CHEK2: variants seen among roughly 807,000 people sequenced by gnomAD.
CHEK2 encodes the protein serine/threonine-protein kinase Chk2.
CHEK2 carries 71 observed loss-of-function variants against 69.1 expected under a neutral mutation model. That is an observed-to-expected ratio of 1.03 (90% confidence interval 0.85 to 1.25). The LOEUF (loss-of-function observed/expected upper bound fraction) is 1.25. Ranked by LOEUF, CHEK2 falls within the 50% of genes most tolerant of loss-of-function variation. The probability of loss-of-function intolerance (pLI) is 0.00; values close to 1 mark genes in which losing one functional copy is unlikely to be tolerated. For synonymous variants in CHEK2, 189 were observed against 226.9 expected (o/e 0.83, Z 1.50); for missense variants, 664 against 649.6 (o/e 1.02, Z -0.24).
intron 7 of CHEK2, among the ~76,000 whole-genome samples, chr22:28,707,503 A>G (rs567509862): frequency 9.2e-5 from 14 of 152,314 alleles, no homozygotes; most frequent in African/African-American, 3.4e-4. Flanking sequence ...AAGGACAGCA[A>G]TATCTGTGCT....
intron 8 of CHEK2, among the ~76,000 whole-genome samples, chr22:28,700,783 T>C (rs1168897859): frequency 6.6e-6 from 1 of 152,012 alleles, no homozygotes; most frequent in Non-Finnish European, 1.5e-5. Flanking sequence ...GGCAAGGTTA[T>C]TCCTTTATTT....
intron 1 of CHEK2, among the ~76,000 whole-genome samples, chr22:28,739,716 C>G (rs544531121): frequency 6.6e-6 from 1 of 151,910 alleles, no homozygotes; most frequent in Non-Finnish European, 1.5e-5. Flanking sequence ...AAAAAACCCA[C>G]AATGAGATAC....
At chr22:28,707,979 C>T (rs182687105) in intron 7 of CHEK2, among the ~76,000 whole-genome samples, 1,896 of 151,634 alleles carry the variant, frequency 0.013, 40 homozygotes, top group East Asian at 0.079. Flanking sequence ...TGGGACTACA[C>T]GCACCCGCCA....
At chr22:28,708,086 G>A (rs1489645329) in intron 7 of CHEK2, among the ~76,000 whole-genome samples, 1 of 151,816 alleles carries the variant, frequency 6.6e-6, no homozygotes, top group Non-Finnish European at 1.5e-5. Context: ...TGATCCACCC[G>A]CCCCGGCTTC....
intron 9 of CHEK2, among the ~76,000 whole-genome samples, chr22:28,699,092 C>T (rs766155245): frequency 1.3e-4 from 20 of 152,238 alleles, no homozygotes; most frequent in Non-Finnish European, 2.9e-4. Context: ...GTAGCCTCAA[C>T]CTCCCAGGCT....
In CHEK2 at chr22:28,736,414, T is replaced by G. The variant is rs139200281; in HGVS notation, c.-6-1687A>C. ...ACACACCTGTTCGTTCAATCTATAT[T>G]CCCTGACACCTAAGGACCCAGTGAC... On this transcript the variant is annotated intron_variant, in intron 1 of 14. Transcript: ENST00000404276. Among the ~76,000 whole-genome samples the G allele has an allele frequency of 7.7e-3, 1,166 of 152,270 alleles. 16 individuals carry two copies. The highest frequency in any genetic ancestry group is 0.027 in the African/African-American group (1,125 of 41,562).
In CHEK2 at chr22:28,699,935, A is replaced by G. The variant is rs587782033; in HGVS notation, c.911T>C (p.Met304Thr). ...AEDYYIVLEL[M>T]EGGELFDKVV... ...TTTGTCAAACAGCTCTCCCCCTTCC[A>G]TCCTGAAACACAAAGGCAAGGCAAG... is the stretch of plus-strand genomic sequence containing the variant. The change falls in exon 9 of 15, where the codon ATG becomes ACG. Residue 304 changes from methionine (M) to threonine (T), a missense_variant and splice_region_variant. By Grantham distance (81) the Met-to-Thr change is moderately conservative (BLOSUM62 -1). Transcript: ENST00000404276. The G allele has an allele frequency of 3.1e-6, 5 of 1,611,956 alleles. No homozygotes were observed. The highest frequency in any genetic ancestry group is 1.3e-5 in the African/African-American group (1 of 74,866).
At chr22:28,724,757 G>A in intron 4 of CHEK2, 1 of 566,896 alleles carries the variant, frequency 1.8e-6, no homozygotes, top group South Asian at 1.7e-5. Flanking sequence ...GTAGAGACAG[G>A]GTTTCTCCAT....
At chr22:28,713,435 C>G (rs1446557505) in intron 5 of CHEK2, among the ~76,000 whole-genome samples, 1 of 151,448 alleles carries the variant, frequency 6.6e-6, no homozygotes, top group Admixed American at 6.6e-5. Flanking sequence ...TCTCGGCTCA[C>G]CGCAAGCTCC....
At chr22:28,718,459 T>A (rs2053657975) in intron 5 of CHEK2, among the ~76,000 whole-genome samples, 1 of 152,136 alleles carries the variant, frequency 6.6e-6, no homozygotes, top group Admixed American at 6.6e-5. Flanking sequence ...AATCAGTATG[T>A]TGAAGAGATA....
In CHEK2 at chr22:28,703,558, G is replaced by C. The variant is rs756692505; in HGVS notation, c.855C>G (p.Ile285Met). 4.5e-6 allele frequency: 7 copies of C among 1,558,838 alleles called. No individual in the cohort carries two copies. Among genetic ancestry groups the C allele is most frequent in the Non-Finnish European group, 6.2e-6 (7 of 1,135,778 alleles). ...EILKKLNHPC[I>M]IKIKNFFDAE... The stretch of plus-strand genomic sequence containing the variant: ...CATCAAAAAAGTTTTTAATCTTGAT[G>C]ATGCAAGGCTAAGAAGAGGGGGAGA... Residue 285 changes from isoleucine (I) to methionine (M), a missense_variant, in exon 8 of 15, where the codon ATC (isoleucine) becomes ATG (methionine). By Grantham distance (10) the Ile-to-Met change is conservative. Coordinates refer to ENST00000404276, the MANE Select transcript of CHEK2 (RefSeq NM_007194.4).
intron 7 of CHEK2, among the ~76,000 whole-genome samples, chr22:28,706,701 C>G (rs1414151740): frequency 7.2e-5 from 11 of 152,098 alleles, no homozygotes; most frequent in Non-Finnish European, 1.6e-4. Context: ...GGCAGATCAC[C>G]TGAGGTCAGG....
intron 1 of CHEK2, among the ~76,000 whole-genome samples, chr22:28,736,532 T>C (rs1440287169): frequency 6.6e-6 from 1 of 152,248 alleles, no homozygotes; most frequent in African/African-American, 2.4e-5. Context: ...CTTTTCAGCA[T>C]CCTAAATGGC....
intron 8 of CHEK2, among the ~76,000 whole-genome samples, chr22:28,702,905 T>C (rs765409738): frequency 6.6e-6 from 1 of 152,234 alleles, no homozygotes; most frequent in African/African-American, 2.4e-5. Context: ...GTAAATGTTA[T>C]GTAAATAGTG....
intron 1 of CHEK2, among the ~76,000 whole-genome samples, chr22:28,738,625 G>A (rs538166310): frequency 6.6e-6 from 1 of 152,208 alleles, no homozygotes; most frequent in Non-Finnish European, 1.5e-5. Context: ...ACCAAAGTGA[G>A]GGCAGCAAAA....
chr22:28,710,167 C>G (rs2053342937), intron 6 of CHEK2, 108 bp from the exon 7 acceptor site: 2 of 699,944 alleles, frequency 2.9e-6, no homozygotes, highest in Non-Finnish European at 5.0e-6. Flanking sequence ...GTTCCAAACC[C>G]AGCTCTACTT....
intron 5 of CHEK2, among the ~76,000 whole-genome samples, chr22:28,714,901 C>G (rs927366956): frequency 1.3e-5 from 2 of 152,132 alleles, no homozygotes; most frequent in African/African-American, 4.8e-5. Flanking sequence ...AAACAGTCAC[C>G]CTTTGCCTGG....
Position 28,699,983 on chromosome 22 carries a change from G to A in CHEK2, c.909-46C>T, listed in dbSNP as rs200362381. 1.2e-4 allele frequency: 150 copies of A among 1,283,154 alleles called. No homozygotes were observed. The East Asian group carries it at 2.4e-3, about 20-fold the overall frequency. The allele number at this position is 1,283,154 out of a possible 1,614,324, so 79.5% of individuals were successfully genotyped here. A position where few individuals can be genotyped will look rare whatever the true frequency, so the allele number is the denominator to read the frequency against. On this transcript the variant is annotated intron_variant, in intron 8 of 14. Transcript: ENST00000404276. ...AAGGGGTTCATTCCTGGGGGAAAACGCACTTGGACAGAAGACAATAAAACA... is the reference window on the plus strand; with the variant it reads ...AAGGGGTTCATTCCTGGGGGAAAACACACTTGGACAGAAGACAATAAAACA...
At chr22:28,708,745 C>G (rs532185194) in intron 7 of CHEK2, 417 of 165,986 alleles carry the variant, frequency 2.5e-3, no homozygotes, top group African/African-American at 9.6e-3. Context: ...GGGGGGATCA[C>G]GAGGTCAGGA....
Sources: allele counts gnomAD v4.1 joint callset (sites outside exome capture counted in the v4.1 genomes callset), GRCh38; gene constraint gnomAD v4.1.1; transcripts MANE v1.5; gene names NCBI Gene and HGNC (gene_info 2026-07-23, HGNC 2026-07-21).